Variants in UAP1L1 observed in about 807,000 individuals in gnomAD.
The protein encoded by UAP1L1 is UDP-N-acetylhexosamine pyrophosphorylase-like protein 1.
Under a neutral mutation model 45.3 loss-of-function variants are expected in UAP1L1, and 45 were observed. That is an observed-to-expected ratio of 0.99 (90% CI 0.78 to 1.27). The LOEUF (loss-of-function observed/expected upper bound fraction) is 1.27, where lower values mean the gene tolerates loss of function less well. Ranked by LOEUF, UAP1L1 falls within the 50% of genes most tolerant of loss-of-function variation. The probability of loss-of-function intolerance (pLI) is 0.00; values close to 1 mark genes in which losing one functional copy is unlikely to be tolerated. For missense variants in UAP1L1, 667 were observed against 694.0 expected, an observed-to-expected ratio of 0.96 and a Z score of 0.44; for synonymous variants, 323 against 303.9, an observed-to-expected ratio of 1.06 and a Z score of -0.65.
chr9:137,081,378 A>ATT (rs397736587), intron 7 of UAP1L1, among the ~76,000 whole-genome samples: 252 of 115,478 alleles, frequency 2.2e-3, no homozygotes, highest in African/African-American at 7.6e-3. Flanking sequence ...ATTTTTTTGT[A>ATT]TTTTTTTTTT....
At chr9:137,081,956 G>C (rs1564268281) in intron 7 of UAP1L1, 42 bp from the exon 8 acceptor site, 1 of 1,603,006 alleles carries the variant, frequency 6.2e-7, no homozygotes, top group Middle Eastern at 1.7e-4. Context: ...AGGGCTCTGG[G>C]CAGGTGCTGC....
Position 137,082,158 on chromosome 9 carries a change from C to T in UAP1L1, c.1431+94C>T, listed in dbSNP as rs1832798290. ...GGCTGCTCGGGTGGAGACGGCACAGCTCTACCTCGGTTAACCAATGGGGTC... is the reference window on the plus strand; with the variant it reads ...GGCTGCTCGGGTGGAGACGGCACAGTTCTACCTCGGTTAACCAATGGGGTC... On this transcript the variant is annotated intron_variant, in intron 8 of 8. Coordinates refer to ENST00000409858, the MANE Select transcript of UAP1L1 (RefSeq NM_207309.3). This position sits in a 1 kb window ranked among gnomAD's most constrained non-coding sequence, Gnocchi z 5.7. 8.1e-7 allele frequency: 1 copy of T among 1,232,536 alleles called. No homozygotes were observed. The highest frequency in any genetic ancestry group is 1.2e-6 in the Non-Finnish European group (1 of 833,112). The allele number at this position is 1,232,536 out of a possible 1,614,324, so 76.3% of individuals were successfully genotyped here.
chr9:137,082,090 G>T lies in UAP1L1; in HGVS notation c.1431+26G>T. Reference sequence around the variant, plus strand: ...GTGAGAGCTGCCCATCCCTATCTGGGGCTTTTCTGGTGTCAGGTTTGGAAT... The same window carrying T: ...GTGAGAGCTGCCCATCCCTATCTGGTGCTTTTCTGGTGTCAGGTTTGGAAT... On this transcript the variant is annotated intron_variant, in intron 8 of 8. Coordinates refer to ENST00000409858, the MANE Select transcript of UAP1L1 (RefSeq NM_207309.3). This position sits in a 1 kb window ranked among gnomAD's most constrained non-coding sequence, Gnocchi z 5.7. The T allele has an allele frequency of 6.2e-7, 1 of 1,611,980 alleles. No homozygotes were observed. The highest frequency in any genetic ancestry group is 8.5e-7 in the Non-Finnish European group (1 of 1,178,192).
chr9:137,079,129 G>A lies in UAP1L1; in HGVS notation c.824G>A (p.Gly275Asp). 2.5e-6 allele frequency: 4 copies of A among 1,611,262 alleles called. No individual in the cohort carries two copies. Among genetic ancestry groups the A allele is most frequent in the Non-Finnish European group, 3.4e-6 (4 of 1,179,444 alleles). Residue 275 changes from glycine to aspartate, a missense_variant, in exon 4 of 9, where the codon GGC (glycine) becomes GAC (aspartate). By Grantham distance (94) the Gly-to-Asp change is moderately conservative. Coordinates refer to ENST00000409858, the MANE Select transcript of UAP1L1 (RefSeq NM_207309.3). ...TTCATCGGCTTCTGTGTGTTGCAGG[G>A]CGCAGACTGTGGCGCCAAGGTTAGC... ...PVFIGFCVLQ[G>D]ADCGAKVVEK...
intron 5 of UAP1L1, 85 bp from the exon 6 acceptor site, chr9:137,079,917 G>A: frequency 6.5e-7 from 1 of 1,532,278 alleles, no homozygotes; most frequent in Non-Finnish European, 8.9e-7. Context: ...CACCCAGCTG[G>A]GTGTGCTCAG....
Position 137,078,668 on chromosome 9 carries a change from A to T in UAP1L1, c.661A>T (p.Met221Leu), listed in dbSNP as rs961127136. The T allele has an allele frequency of 1.9e-6, 3 of 1,611,952 alleles. No homozygotes were observed. The African/African-American group carries it at 4.0e-5, about 22-fold the overall frequency. The change falls in exon 3 of 9, where the codon ATG becomes TTG. Residue 221 changes from methionine (M) to leucine (L), a missense_variant. Coordinates refer to ENST00000409858, the MANE Select transcript of UAP1L1 (RefSeq NM_207309.3). ...VILERKDKVA[M>L]APDGNGGLYC... ...CCTGGAGCGGAAAGACAAAGTTGCC[A>T]TGGCCCCAGGTGTGGCCCGTTCCTG...
Position 137,083,345 on chromosome 9 carries a change from C to T in UAP1L1, c.*616C>T, listed in dbSNP as rs1200996781. The T allele has an allele frequency of 1.3e-5, 2 of 152,640 alleles. No homozygotes were observed. Among genetic ancestry groups the T allele is most frequent in the Non-Finnish European group, 2.9e-5 (2 of 68,334 alleles). The allele number at this position is 152,640 out of a possible 1,614,324, so 9.5% of individuals were successfully genotyped here. A position where few individuals can be genotyped will look rare whatever the true frequency, so the allele number is the denominator to read the frequency against. ...ACACCCTGGATGCCCAGCAAGGCCA[C>T]AGAAAGAGCCTGATGTCCATGATCC... On this transcript the variant is annotated 3_prime_UTR_variant, in exon 9 of 9. Coordinates refer to ENST00000409858, the MANE Select transcript of UAP1L1 (RefSeq NM_207309.3).
intron 7 of UAP1L1, among the ~76,000 whole-genome samples, 177 bp downstream of exon 7, chr9:137,081,051 G>T (rs190272642): frequency 6.6e-6 from 1 of 152,190 alleles, no homozygotes; most frequent in Admixed American, 6.5e-5. Context: ...CACGGTGACT[G>T]TCGGCACAGC....
rs370402734 is a variant in UAP1L1 at position 137,080,884 on chromosome 9, G to T, written c.1364+10G>T. 6.4e-6 allele frequency: 10 copies of T among 1,564,310 alleles called. No individual in the cohort carries two copies. In the African/African-American group the frequency reaches 1.1e-4, roughly 17 times the overall value. ...TCCCAGAGCTGCCCAGGTGAGTGTG[G>T]CCCTGGGGTAGCTACAGCCAGAAGG... On this transcript the variant is annotated intron_variant, in intron 7 of 8. Coordinates refer to ENST00000409858, the MANE Select transcript of UAP1L1 (RefSeq NM_207309.3).
At position 137,080,637 on chromosome 9, in the gene UAP1L1, C is replaced by T. The variant is rs534637679; in HGVS notation, c.1179-52C>T. The T allele has an allele frequency of 7.6e-5, 117 of 1,547,538 alleles. 2 individuals are homozygous for T. In the South Asian group the frequency reaches 1.2e-3, roughly 16 times the overall value. ...AAACCTGGCCCAGCTCTCACCTGCC[C>T]GGATCAGGGCCTCTGTGCTGGGACG... On this transcript the variant is annotated intron_variant, in intron 6 of 8. Coordinates refer to ENST00000409858, the MANE Select transcript of UAP1L1 (RefSeq NM_207309.3).
In UAP1L1 at chr9:137,078,076, G is replaced by A. The variant is rs780848849; in HGVS notation, c.316G>A (p.Val106Met). Residue 106 changes from valine to methionine, a missense_variant, in exon 2 of 9, where the codon GTG becomes ATG. Val to Met is a conservative substitution (Grantham distance 21). Transcript: ENST00000409858. ...EGFRQISLNK[V>M]AVLLLAGGQG... ...TTTCCGTCAGATTTCTCTGAACAAG[G>A]TGGCCGTCCTGCTGCTGGCTGGGGG... The A allele has an allele frequency of 3.2e-6, 5 of 1,549,978 alleles. No individual in the cohort carries two copies. The highest frequency in any genetic ancestry group is 2.4e-5 in the South Asian group (2 of 84,066).
Position 137,082,732 on chromosome 9 carries a change from C to G in UAP1L1, c.*3C>G, listed in dbSNP as rs377672867. Reference sequence around the variant, plus strand: ...AGCCGCAGCTGCAGGAGTCCTGACCCGCCCAGACTGTCCCCAGACTCCCCC... The same window carrying G: ...AGCCGCAGCTGCAGGAGTCCTGACCGGCCCAGACTGTCCCCAGACTCCCCC... On this transcript the variant is annotated 3_prime_UTR_variant, in exon 9 of 9. Transcript: ENST00000409858. This position sits in a 1 kb window ranked among gnomAD's most constrained non-coding sequence, Gnocchi z 5.7. The G allele has an allele frequency of 6.5e-7, 1 of 1,547,390 alleles. No individual in the cohort carries two copies. The highest frequency in any genetic ancestry group is 2.0e-5 in the Admixed American group (1 of 51,010).
rs1480437770 is a variant in UAP1L1, at chr9:137,082,217, A to G, written c.1431+153A>G. 2 of 773,512 alleles carry G rather than the reference A, an allele frequency of 2.6e-6. No individual in the cohort carries two copies. Among genetic ancestry groups the G allele is most frequent in the Non-Finnish European group, 4.4e-6 (2 of 456,730 alleles). The allele number at this position is 773,512 out of a possible 1,614,324, so 47.9% of individuals were successfully genotyped here. Reference sequence around the variant, plus strand: ...AAATTTGCAGAAGACTTTCCAAGATATGGGTTGGGGTGGGGTGAGGCATCC... The same window carrying G: ...AAATTTGCAGAAGACTTTCCAAGATGTGGGTTGGGGTGGGGTGAGGCATCC... On this transcript the variant is annotated intron_variant, in intron 8 of 8. Transcript: ENST00000409858. This position sits in a 1 kb window ranked among gnomAD's most constrained non-coding sequence, Gnocchi z 5.7.
In UAP1L1 at chr9:137,082,350, G is replaced by T; in HGVS notation, c.1431+286G>T. ...GGGGGCCTTGCGGAGGGAGGACACC[G>T]GCCTCTGCTACCTCCCTGACCTCGG... On this transcript the variant is annotated intron_variant, in intron 8 of 8. Coordinates refer to ENST00000409858, the MANE Select transcript of UAP1L1 (RefSeq NM_207309.3). This position sits in a 1 kb window ranked among gnomAD's most constrained non-coding sequence, Gnocchi z 5.7. The T allele has an allele frequency of 3.3e-6, 2 of 598,122 alleles. No individual in the cohort carries two copies. The highest frequency in any genetic ancestry group is 3.0e-5 in the Admixed American group (1 of 33,832). The allele number at this position is 598,122 out of a possible 1,614,324, so 37.1% of individuals were successfully genotyped here.
chr9:137,080,960 G>C (rs1449743223), intron 7 of UAP1L1, 86 bp downstream of exon 7: 37 of 1,314,162 alleles, frequency 2.8e-5, no homozygotes, highest in Middle Eastern at 5.4e-4. Context: ...TTGGCTCTGC[G>C]ACAGCCATGC....
chr9:137,079,116 T>G lies in UAP1L1; in HGVS notation c.811T>G (p.Cys271Gly), dbSNP rs1240880175. 7 of 1,611,686 alleles carry G rather than the reference T, an allele frequency of 4.3e-6. No individual in the cohort carries two copies. Among genetic ancestry groups the G allele is most frequent in the Non-Finnish European group, 4.2e-6 (5 of 1,179,664 alleles). The change falls in exon 4 of 9, where the codon TGT becomes GGT. Residue 271 changes from cysteine (C) to glycine (G), a missense_variant. By Grantham distance (159) the Cys-to-Gly change is radical. Coordinates refer to ENST00000409858, the MANE Select transcript of UAP1L1 (RefSeq NM_207309.3). ...GGCGGACCCTGTCTTCATCGGCTTC[T>G]GTGTGTTGCAGGGCGCAGACTGTGG... is the stretch of plus-strand genomic sequence containing the variant. Reference protein sequence around the residue: ...RLADPVFIGFCVLQGADCGAK... With the variant: ...RLADPVFIGFGVLQGADCGAK...
At position 137,077,761 on chromosome 9, in the gene UAP1L1, G is replaced by T; in HGVS notation, c.229G>T (p.Glu77Ter). Reference protein sequence around the residue: ...LAARLRPLPPERVGRASRSDP... With the variant: ...LAARLRPLPP ...CGCGCGCCTGCGGCCCCTGCCCCCA[G>T]AGCGCGTGGGCAGGGCCAGCCGCAG... is the stretch of plus-strand genomic sequence containing the variant. Residue 77 changes from glutamate (E) to a stop codon, truncating the protein, a stop_gained, in exon 1 of 9, where the codon GAG becomes TAG. Transcript: ENST00000409858. LOFTEE classifies it high-confidence loss of function. The surrounding 1 kb of genome is among the most constrained non-coding windows in gnomAD (Gnocchi z 4.7). 1 of 1,263,990 alleles carries T rather than the reference G, an allele frequency of 7.9e-7. No homozygotes were observed. Among genetic ancestry groups the T allele is most frequent in the South Asian group, 2.7e-5 (1 of 36,920 alleles). 78.3% of individuals were successfully genotyped at this position (1,263,990 alleles called of 1,614,324 possible). A position where few individuals can be genotyped will look rare whatever the true frequency, so the allele number is the denominator to read the frequency against.
At chr9:137,079,183 G>A (rs959759602) in intron 4 of UAP1L1, 35 bp downstream of exon 4, 2 of 1,593,406 alleles carry the variant, frequency 1.3e-6, no homozygotes, top group African/African-American at 1.3e-5. Context: ...CCGCACCCGA[G>A]GCTGGCCCCG....
rs759801406 is a variant in UAP1L1, at chr9:137,080,125, T to C, written c.1161T>C (p.Asp387=). The C allele has an allele frequency of 3.7e-6, 6 of 1,614,180 alleles. No homozygotes were observed. The South Asian group carries it at 6.6e-5, about 18-fold the overall frequency. ...NGIKMEKFVF[D]VFRFAKNFAA... is the part of the protein sequence containing the mutation. ...TAAAGATGGAGAAGTTTGTGTTTGATGTGTTCCGGTTTGCTAAGTTAGTAG... is the reference window on the plus strand; with the variant it reads ...TAAAGATGGAGAAGTTTGTGTTTGACGTGTTCCGGTTTGCTAAGTTAGTAG... The change falls in exon 6 of 9, where the codon GAT becomes GAC. Residue 387 remains aspartate, a synonymous_variant. Coordinates refer to ENST00000409858, the MANE Select transcript of UAP1L1 (RefSeq NM_207309.3).
Sources: gnomAD v4.1 joint callset for allele counts (sites outside exome capture counted in the v4.1 genomes callset) on GRCh38, gnomAD v4.1.1 for gene constraint, Gnocchi (gnomAD v3.1) non-coding constraint, MANE v1.5 for transcripts, NCBI Gene and HGNC (gene_info 2026-07-23, HGNC 2026-07-21) for gene names.